The following ATP1B3 variants were observed in gnomAD, a reference collection of about 807,000 sequenced individuals.
ATP1B3 encodes ATPase Na+/K+ transporting subunit beta 3.
Under a neutral mutation model 30.2 loss-of-function variants are expected in ATP1B3, and 10 were observed. The ratio of observed to expected loss-of-function variants is 0.33; its 90% CI spans 0.20 to 0.56. ATP1B3 has a LOEUF of 0.56. Among genes scored for constraint, ATP1B3 ranks in the 20% least tolerant of loss-of-function variants. The probability of loss-of-function intolerance (pLI) is 0.90; values close to 1 mark genes in which losing one functional copy is unlikely to be tolerated. For synonymous variants in ATP1B3, 113 were observed against 117.0 expected (o/e 0.97, Z 0.22); for missense variants, 238 against 336.7 (o/e 0.71, Z 2.29).
chr3:141,886,876 A>G (rs757389768), intron 1 of ATP1B3, among the ~76,000 whole-genome samples: 5 of 152,162 alleles, frequency 3.3e-5, no homozygotes, highest in Admixed American at 6.5e-5. Flanking sequence ...GTTAGCACAC[A>G]TCTTTGGTTC....
chr3:141,905,052 A>G (rs1243308438), intron 2 of ATP1B3, among the ~76,000 whole-genome samples: 2 of 152,180 alleles, frequency 1.3e-5, no homozygotes, highest in African/African-American at 4.8e-5. Context: ...GTGACTGGAC[A>G]TGACCCTTGT....
Position 141,876,818 on chromosome 3 carries a change from A to G in ATP1B3, c.17A>G (p.Lys6Arg). 1 of 1,588,340 alleles carries G rather than the reference A, an allele frequency of 6.3e-7. No individual in the cohort carries two copies. Among genetic ancestry groups the G allele is most frequent in the East Asian group, 2.4e-5 (1 of 41,934 alleles). The change falls in exon 1 of 7, where the codon AAG (lysine) becomes AGG (arginine). Residue 6 changes from lysine to arginine, a missense_variant. By Grantham distance (26) the Lys-to-Arg change is conservative (BLOSUM62 2). Around this residue, in one of 3 missense-constraint regions of ATP1B3, gnomAD observed 130 missense variants for 148.8 expected, o/e 0.87. Transcript: ENST00000286371. ...GCGCACACCATGACGAAGAACGAGA[A>G]GAAGTCCCTCAACCAGAGCCTGGCC... MTKNE[K>R]KSLNQSLAEW...
intron 1 of ATP1B3, among the ~76,000 whole-genome samples, chr3:141,891,302 C>A (rs1933948402): frequency 6.6e-6 from 1 of 152,076 alleles, no homozygotes; most frequent in African/African-American, 2.4e-5. Flanking sequence ...GTTTTAGTAT[C>A]CAAATAGTGC....
At chr3:141,883,262 CG>C (rs1225123626) in intron 1 of ATP1B3, among the ~76,000 whole-genome samples, 2 of 152,118 alleles carry the variant, frequency 1.3e-5, no homozygotes, top group Non-Finnish European at 2.9e-5. Context: ...CCGAAGTGGG[CG>C]GATCACTTGT....
At chr3:141,877,268 C>A (rs1255565635) in intron 1 of ATP1B3, among the ~76,000 whole-genome samples, 1 of 151,978 alleles carries the variant, frequency 6.6e-6, no homozygotes, top group Non-Finnish European at 1.5e-5. Flanking sequence ...AGGAGCCGAG[C>A]CCCCGGGCCT....
At chr3:141,900,819 G>A (rs529062454) in intron 1 of ATP1B3, among the ~76,000 whole-genome samples, 1 of 152,254 alleles carries the variant, frequency 6.6e-6, no homozygotes, top group Admixed American at 6.5e-5. Context: ...GTCTCTCTCT[G>A]TCACCCAGGT....
chr3:141,916,647 T>C, intron 5 of ATP1B3: 1 of 1,027,802 alleles, frequency 9.7e-7, no homozygotes, highest in Non-Finnish European at 1.3e-6. Flanking sequence ...ACTCTGATTG[T>C]ATGGCAGAAA....
At chr3:141,910,839 T>A (rs1934346040) in intron 3 of ATP1B3, among the ~76,000 whole-genome samples, 1 of 149,718 alleles carries the variant, frequency 6.7e-6, no homozygotes, top group South Asian at 2.2e-4. Flanking sequence ...TTTGATGGAG[T>A]ACATTCTCAA....
intron 1 of ATP1B3, chr3:141,902,258 C>T (rs1576395040): frequency 8.0e-7 from 1 of 1,249,390 alleles, no homozygotes; most frequent in African/African-American, 1.5e-5. Context: ...GAATGCTAGT[C>T]TAAATTATAA....
chr3:141,878,781 A>G (rs549314129), intron 1 of ATP1B3, among the ~76,000 whole-genome samples: 1 of 152,210 alleles, frequency 6.6e-6, no homozygotes, highest in Non-Finnish European at 1.5e-5. Flanking sequence ...TTTTTTGTTT[A>G]TTGTAATAAT....
chr3:141,925,386 C>A, intron 6 of ATP1B3, 145 bp from the exon 7 acceptor site: 1 of 762,224 alleles, frequency 1.3e-6, no homozygotes, highest in Non-Finnish European at 2.0e-6. Context: ...TTGGTTGAGG[C>A]TTCAATGAGC....
rs150397877 is a variant in ATP1B3, at chr3:141,910,091, C to T, written c.346+2817C>T. 5.9e-5 allele frequency among the ~76,000 whole-genome samples: 9 copies of T among 152,292 alleles called. No homozygotes were observed. The East Asian group carries it at 1.7e-3, about 29-fold the overall frequency. ...GGCTCAAGTGATCCTCCTGCCTCAG[C>T]CTCTTGAGTAGTTAGGAATACAGGC... On this transcript the variant is annotated intron_variant, in intron 3 of 6. Coordinates refer to ENST00000286371, the MANE Select transcript of ATP1B3 (RefSeq NM_001679.4).
intron 1 of ATP1B3, among the ~76,000 whole-genome samples, chr3:141,893,042 C>T (rs1019366903): frequency 1.3e-5 from 2 of 152,024 alleles, no homozygotes; most frequent in South Asian, 2.1e-4. Flanking sequence ...TTTTTCTCAC[C>T]CAGGCTGGAG....
At chr3:141,902,062 T>G in intron 1 of ATP1B3, 1 of 1,123,584 alleles carries the variant, frequency 8.9e-7, no homozygotes, top group Non-Finnish European at 1.2e-6. Context: ...CCTGTGGGCT[T>G]TCTGTGTGTT....
At chr3:141,899,903 C>A (rs749299234) in intron 1 of ATP1B3, among the ~76,000 whole-genome samples, 1 of 151,970 alleles carries the variant, frequency 6.6e-6, no homozygotes, top group Non-Finnish European at 1.5e-5. Context: ...TGGTGGCACA[C>A]AACTGTAGTC....
intron 1 of ATP1B3, among the ~76,000 whole-genome samples, chr3:141,886,563 A>G (rs1933838377): frequency 6.6e-6 from 1 of 152,242 alleles, no homozygotes; most frequent in African/African-American, 2.4e-5. Flanking sequence ...GTAGGTTTAT[A>G]TATTTTTACT....
chr3:141,907,753 A>G (rs1934288320), intron 3 of ATP1B3, among the ~76,000 whole-genome samples: 2 of 152,138 alleles, frequency 1.3e-5, no homozygotes, highest in African/African-American at 4.8e-5. Flanking sequence ...AGTGCATTTT[A>G]TAATTACTTG....
intron 1 of ATP1B3, among the ~76,000 whole-genome samples, chr3:141,901,964 G>T (rs1217430481): frequency 6.6e-6 from 1 of 152,158 alleles, no homozygotes; most frequent in Non-Finnish European, 1.5e-5. Flanking sequence ...TTAAGTTTCT[G>T]TCAGCCCTGG....
intron 4 of ATP1B3, among the ~76,000 whole-genome samples, chr3:141,915,517 G>T (rs1432282366): frequency 6.6e-6 from 1 of 152,178 alleles, no homozygotes; most frequent in African/African-American, 2.4e-5. Flanking sequence ...CAGATGGGTT[G>T]TGAGATACAG....
Sources: allele counts gnomAD v4.1 joint callset (sites outside exome capture counted in the v4.1 genomes callset), GRCh38; gene constraint gnomAD v4.1.1; regional missense constraint gnomAD v4.1.1; transcripts MANE v1.5; gene names NCBI Gene and HGNC (gene_info 2026-07-23, HGNC 2026-07-21).